The following BLK variants were observed in gnomAD, a reference collection of about 807,000 sequenced individuals.
BLK encodes BLK proto-oncogene, Src family tyrosine kinase.
Under a neutral mutation model 61.8 loss-of-function variants are expected in BLK, and 64 were observed. The observed-to-expected ratio is 1.03, with a 90% CI of 0.85 to 1.27. The LOEUF is 1.27. Among genes scored for constraint, BLK ranks in the 50% most tolerant of loss-of-function variants. BLK has a pLI of 0.00. For missense variants in BLK, 853 were observed against 660.5 expected (o/e 1.29, Z -3.19); for synonymous variants, 351 against 272.0 (o/e 1.29, Z -2.86).
intron 1 of BLK, among the ~76,000 whole-genome samples, chr8:11,496,092 A>T (rs1798349505): frequency 6.6e-6 from 1 of 152,152 alleles, no homozygotes; most frequent in Non-Finnish European, 1.5e-5. Context: ...AGGCCTTTTG[A>T]ATTTTTGACC....
intron 1 of BLK, among the ~76,000 whole-genome samples, chr8:11,532,172 C>CTTTTATAAAAGGAAAT (rs1325022178): frequency 1.0e-5 from 1 of 95,394 alleles, no homozygotes; most frequent in Non-Finnish European, 2.5e-5. Context: ...TTTTTTTTTC[C>CTTTTATAAAAGGAAAT]TTTTATAAAA....
chr8:11,514,966 G>C (rs536269960), intron 1 of BLK, among the ~76,000 whole-genome samples: 1 of 152,250 alleles, frequency 6.6e-6, no homozygotes, highest in Admixed American at 6.5e-5. Flanking sequence ...TCCCACTCCA[G>C]GGTTGAGGCA....
At chr8:11,528,065 C>A (rs950843640) in intron 1 of BLK, among the ~76,000 whole-genome samples, 1 of 152,144 alleles carries the variant, frequency 6.6e-6, no homozygotes, top group Non-Finnish European at 1.5e-5. Context: ...GAGACAGAGT[C>A]TCACTCTGTC....
chr8:11,551,828 A>G (rs73663164), intron 6 of BLK, among the ~76,000 whole-genome samples: 5,218 of 152,268 alleles, frequency 0.034, 264 homozygotes, highest in African/African-American at 0.11. Context: ...ACAGGAAGTG[A>G]CTTGCTGGGG....
At chr8:11,558,103 C>A (rs931816954) in intron 10 of BLK, 65 bp downstream of exon 10, 3 of 1,488,814 alleles carry the variant, frequency 2.0e-6, no homozygotes, top group South Asian at 2.3e-5. Context: ...AATGGCTGCT[C>A]GTGCCTTACC....
At chr8:11,507,313 C>T (rs1250060568) in intron 1 of BLK, among the ~76,000 whole-genome samples, 1 of 152,190 alleles carries the variant, frequency 6.6e-6, no homozygotes, top group East Asian at 1.9e-4. Flanking sequence ...GAATGTCCTA[C>T]CTTCCCACCT....
In BLK at chr8:11,555,420, C is replaced by A. The variant is rs1801155192; in HGVS notation, c.708C>A (p.Ile236=). 1 of 1,614,172 alleles carries A rather than the reference C, an allele frequency of 6.2e-7. No individual in the cohort carries two copies. The highest frequency in any genetic ancestry group is 8.5e-7 in the Non-Finnish European group (1 of 1,180,030). The change falls in exon 8 of 13, where the codon ATC becomes ATA. Residue 236 remains isoleucine, a synonymous_variant. Transcript: ENST00000259089. ...QNPWAQDEWE[I]PRQSLRLVRK... ...CCTGGGCCCAGGATGAATGGGAGAT[C>A]CCCCGGCAGTCTCTCAGGCTGGTCA...
intron 6 of BLK, among the ~76,000 whole-genome samples, chr8:11,551,348 C>T (rs980421525): frequency 5.9e-5 from 9 of 152,180 alleles, no homozygotes; most frequent in African/African-American, 9.6e-5. Flanking sequence ...TGCCGATGGC[C>T]GTCTTCTCTG....
chr8:11,504,367 G>GAAAAGAAAAGAAAAGA (rs1554540058), intron 1 of BLK, among the ~76,000 whole-genome samples: 10 of 39,380 alleles, frequency 2.5e-4, no homozygotes, highest in Admixed American at 7.0e-4. Flanking sequence ...AAGGAAGGAA[G>GAAAAGAAAAGAAAAGA]AAAGAAAAGA....
At chr8:11,527,698 G>A (rs2264873) in intron 1 of BLK, among the ~76,000 whole-genome samples, 2,577 of 151,832 alleles carry the variant, frequency 0.017, 44 homozygotes, top group African/African-American at 0.045. Flanking sequence ...CTTTGGGTGG[G>A]GCCACAGGAC....
intron 8 of BLK, 24 bp from the exon 9 acceptor site, chr8:11,556,634 G>T: frequency 6.2e-7 from 1 of 1,613,936 alleles, no homozygotes; most frequent in Non-Finnish European, 8.5e-7. Context: ...CTTCTGATTG[G>T]CTTCTTCACT....
intron 6 of BLK, among the ~76,000 whole-genome samples, chr8:11,550,798 G>T (rs564361146): frequency 2.6e-5 from 4 of 152,210 alleles, no homozygotes; most frequent in Admixed American, 6.5e-5. Context: ...ACCCTCAGGG[G>T]TTTTCTCTCT....
At chr8:11,523,085 G>A (rs1007559414) in intron 1 of BLK, among the ~76,000 whole-genome samples, 1 of 152,118 alleles carries the variant, frequency 6.6e-6, no homozygotes, top group African/African-American at 2.4e-5. Flanking sequence ...AATATTCATA[G>A]CTAGTGGTGA....
chr8:11,536,951 T>A (rs1800156902), intron 1 of BLK, among the ~76,000 whole-genome samples: 1 of 152,184 alleles, frequency 6.6e-6, no homozygotes, highest in Non-Finnish European at 1.5e-5. Context: ...GTGGGCTCCA[T>A]CCTTGTTTCA....
intron 1 of BLK, among the ~76,000 whole-genome samples, chr8:11,520,875 A>T (rs1249806823): frequency 6.6e-6 from 1 of 152,248 alleles, no homozygotes; most frequent in African/African-American, 2.4e-5. Flanking sequence ...TTTTTCAACA[A>T]TAACATTAGC....
rs1189040871 is a variant in BLK, at chr8:11,564,278, C to G, written c.*170C>G. The G allele has an allele frequency of 1.7e-5, 14 of 820,416 alleles. No individual in the cohort carries two copies. The highest frequency in any genetic ancestry group is 2.6e-5 in the Non-Finnish European group (13 of 496,012). 50.8% of individuals were successfully genotyped at this position (820,416 alleles called of 1,614,324 possible). A position where few individuals can be genotyped will look rare whatever the true frequency, so the allele number is the denominator to read the frequency against. On this transcript the variant is annotated 3_prime_UTR_variant, in exon 13 of 13. Coordinates refer to ENST00000259089, the MANE Select transcript of BLK (RefSeq NM_001715.3). ...GGGGTCCCCGGACGGACTCCTTCAC[C>G]GACTGCACCCCCGGGCGAGTTACGC...
At chr8:11,501,092 C>G (rs1798544437) in intron 1 of BLK, among the ~76,000 whole-genome samples, 1 of 151,982 alleles carries the variant, frequency 6.6e-6, no homozygotes, top group African/African-American at 2.4e-5. Flanking sequence ...ACCTGTAATC[C>G]CAGCTACTCA....
At chr8:11,543,965 ATTT>A (rs34059887) in intron 2 of BLK, among the ~76,000 whole-genome samples, 1 of 145,156 alleles carries the variant, frequency 6.9e-6, no homozygotes, top group Admixed American at 6.9e-5. Context: ...CTGAAGATGC[ATTT>A]TTTTTTTTTT....
chr8:11,541,369 A>G (rs1390314863), intron 1 of BLK, among the ~76,000 whole-genome samples: 1 of 152,218 alleles, frequency 6.6e-6, no homozygotes, highest in Non-Finnish European at 1.5e-5. Context: ...TGTTTCAATA[A>G]CAGAAAATTT....
Sources: allele counts gnomAD v4.1 joint callset (sites outside exome capture counted in the v4.1 genomes callset), GRCh38; gene constraint gnomAD v4.1.1; transcripts MANE v1.5; gene names NCBI Gene and HGNC (gene_info 2026-07-23, HGNC 2026-07-21).